Variants in TNFRSF10A observed in about 807,000 individuals in gnomAD.
TNFRSF10A encodes the protein tumor necrosis factor receptor superfamily member 10A.
In TNFRSF10A, 44 loss-of-function variants were observed where a neutral mutation model predicts 42.8. The ratio of observed to expected loss-of-function variants is 1.03; its 90% CI spans 0.81 to 1.32. The LOEUF (loss-of-function observed/expected upper bound fraction) is 1.32, where lower values mean the gene tolerates loss of function less well. Among genes scored for constraint, TNFRSF10A ranks in the 40% most tolerant of loss-of-function variants. The pLI, the probability that TNFRSF10A is intolerant of heterozygous loss-of-function variation, is 0.00. For missense variants in TNFRSF10A, 680 were observed against 602.0 expected (o/e 1.13, Z -1.36); for synonymous variants, 259 against 234.2 (o/e 1.11, Z -0.97).
In TNFRSF10A at chr8:23,224,890, A is replaced by G; in HGVS notation, c.172T>C (p.Ser58Pro). The part of the protein sequence containing the change: ...RGGGRGALPT[S>P]MGQHGPSARA... ...GCACTGGGTCCGTGCTGTCCCATGG[A>G]GGTAGGGAGCGCTCCTCGGCCCCCG... is the stretch of plus-strand genomic sequence containing the variant. The change falls in exon 1 of 10, where the codon TCC becomes CCC. Residue 58 changes from serine to proline, a missense_variant. Ser to Pro is a moderately conservative substitution (Grantham distance 74). Coordinates refer to ENST00000221132, the MANE Select transcript of TNFRSF10A (RefSeq NM_003844.4). 1 of 1,589,666 alleles carries G rather than the reference A, an allele frequency of 6.3e-7. No homozygotes were observed. The highest frequency in any genetic ancestry group is 1.7e-4 in the Middle Eastern group (1 of 6,030).
At chr8:23,212,261 CA>C in intron 1 of TNFRSF10A, 49 bp from the exon 2 acceptor site, 1 of 1,498,334 alleles carries the variant, frequency 6.7e-7, no homozygotes. Context: ...AGATCTCACC[CA>C]TTACAAGATC....
chr8:23,193,323 C>A (rs1035736100), intron 9 of TNFRSF10A, among the ~76,000 whole-genome samples: 4 of 152,210 alleles, frequency 2.6e-5, no homozygotes, highest in Non-Finnish European at 4.4e-5. Context: ...AGGTGAGTTT[C>A]AGTCTCTCTC....
chr8:23,217,124 C>T (rs1435249192), intron 1 of TNFRSF10A, among the ~76,000 whole-genome samples: 2 of 152,188 alleles, frequency 1.3e-5, no homozygotes, highest in African/African-American at 4.8e-5. Flanking sequence ...GACATGATCT[C>T]CCTTTAATCC....
intron 9 of TNFRSF10A, among the ~76,000 whole-genome samples, chr8:23,195,248 T>C (rs779105195): frequency 3.9e-5 from 6 of 152,226 alleles, no homozygotes; most frequent in African/African-American, 7.2e-5. Context: ...TTGAGTGGAC[T>C]GAACTAATAG....
At chr8:23,222,728 G>A (rs1282933766) in intron 1 of TNFRSF10A, among the ~76,000 whole-genome samples, 1 of 152,150 alleles carries the variant, frequency 6.6e-6, no homozygotes, top group African/African-American at 2.4e-5. Flanking sequence ...GGGCCTGTTG[G>A]GGTTTGGGGT....
intron 2 of TNFRSF10A, chr8:23,207,199 A>G (rs945600084): frequency 5.0e-6 from 3 of 598,302 alleles, no homozygotes; most frequent in African/African-American, 3.7e-5. Flanking sequence ...TTCATTGTAG[A>G]TGTTAAAACC....
intron 2 of TNFRSF10A, among the ~76,000 whole-genome samples, chr8:23,210,627 A>G (rs865861986): frequency 1.3e-5 from 2 of 152,326 alleles, no homozygotes; most frequent in Middle Eastern, 3.4e-3. Flanking sequence ...GCTTGCAGTG[A>G]GCCGAGATCG....
intron 2 of TNFRSF10A, among the ~76,000 whole-genome samples, chr8:23,209,957 A>G (rs1029931558): frequency 1.3e-5 from 2 of 152,186 alleles, no homozygotes; most frequent in African/African-American, 4.8e-5. Flanking sequence ...TTGAATTCCC[A>G]CATGTTGTGG....
At chr8:23,197,012 G>C in intron 9 of TNFRSF10A, 120 bp downstream of exon 9, 1 of 1,292,544 alleles carries the variant, frequency 7.7e-7, no homozygotes, top group South Asian at 1.2e-5. Flanking sequence ...CTATAGCATA[G>C]GACCCCCAGT....
intron 2 of TNFRSF10A, among the ~76,000 whole-genome samples, chr8:23,207,900 G>GAA (rs71208593): frequency 0.067 from 8,369 of 124,850 alleles, 332 homozygotes; most frequent in Non-Finnish European, 0.093. Flanking sequence ...TCAGCAGCAC[G>GAA]AAAAAAAAAA....
intron 2 of TNFRSF10A, among the ~76,000 whole-genome samples, chr8:23,208,771 AAG>A (rs1563382571): frequency 6.6e-6 from 1 of 152,192 alleles, no homozygotes; most frequent in East Asian, 1.9e-4. Flanking sequence ...TCAGTTTTAT[AAG>A]GGAACCAGAG....
At chr8:23,209,846 G>T (rs1475301282) in intron 2 of TNFRSF10A, among the ~76,000 whole-genome samples, 2 of 152,232 alleles carry the variant, frequency 1.3e-5, no homozygotes, top group Non-Finnish European at 2.9e-5. Flanking sequence ...GACTTTGGGG[G>T]ACTGTTGGGA....
Position 23,201,892 on chromosome 8 carries a change from G to C in TNFRSF10A, c.545C>G (p.Thr182Arg). Residue 182 changes from threonine (T) to arginine (R), a missense_variant, in exon 4 of 10, where the codon ACG becomes AGG. Thr to Arg is a moderately conservative substitution (Grantham distance 71). Coordinates refer to ENST00000221132, the MANE Select transcript of TNFRSF10A (RefSeq NM_003844.4). ...SDEEERSPCT[T>R]TRNTACQCKP... ...GCACTGACATGCTGTGTTCCTGGTC[G>C]TGGTGCAGGGACTTCTCTCTTCTTC... 1 of 1,614,132 alleles carries C rather than the reference G, an allele frequency of 6.2e-7. No homozygotes were observed. Among genetic ancestry groups the C allele is most frequent in the South Asian group, 1.1e-5 (1 of 91,074 alleles).
At chr8:23,201,304 T>C (rs920640368) in intron 4 of TNFRSF10A, among the ~76,000 whole-genome samples, 2 of 152,180 alleles carry the variant, frequency 1.3e-5, no homozygotes, top group Non-Finnish European at 2.9e-5. Context: ...GCTCAGGTCC[T>C]CATGGGAACT....
chr8:23,213,068 C>G (rs539402786), intron 1 of TNFRSF10A, among the ~76,000 whole-genome samples: 2 of 152,168 alleles, frequency 1.3e-5, no homozygotes, highest in African/African-American at 4.8e-5. Flanking sequence ...TGGATTCTAT[C>G]TCCTTACTAT....
At chr8:23,223,880 T>C (rs1282600992) in intron 1 of TNFRSF10A, among the ~76,000 whole-genome samples, 1 of 152,184 alleles carries the variant, frequency 6.6e-6, no homozygotes, top group Non-Finnish European at 1.5e-5. Context: ...TGGTGGTCAA[T>C]TCGCTGCCCT....
intron 1 of TNFRSF10A, among the ~76,000 whole-genome samples, chr8:23,213,733 C>G (rs188330382): frequency 6.6e-6 from 1 of 151,288 alleles, no homozygotes; most frequent in East Asian, 2.0e-4. Context: ...CGTGAGCCAC[C>G]ACGCCCAGCT....
At chr8:23,217,349 T>A (rs1801198956) in intron 1 of TNFRSF10A, among the ~76,000 whole-genome samples, 1 of 152,072 alleles carries the variant, frequency 6.6e-6, no homozygotes, top group African/African-American at 2.4e-5. Context: ...CCCCAGTAGC[T>A]GAGATTACAG....
chr8:23,218,666 C>T (rs375022266), intron 1 of TNFRSF10A, among the ~76,000 whole-genome samples: 1 of 152,076 alleles, frequency 6.6e-6, no homozygotes, highest in Non-Finnish European at 1.5e-5. Flanking sequence ...AGTGACCCAG[C>T]GCTGGGTGAA....
Sources: allele counts gnomAD v4.1 joint callset (sites outside exome capture counted in the v4.1 genomes callset), GRCh38; gene constraint gnomAD v4.1.1; transcripts MANE v1.5; gene names NCBI Gene and HGNC (gene_info 2026-07-23, HGNC 2026-07-21).